Variants in DHX35 observed in about 807,000 individuals in gnomAD.
DHX35 encodes DEAH-box helicase 35, also known as probable ATP-dependent RNA helicase DHX35.
Under a neutral mutation model 99.6 loss-of-function variants are expected in DHX35, and 84 were observed. That is an observed-to-expected ratio of 0.84 (90% CI 0.71 to 1.01). The LOEUF is 1.01. DHX35 is among the 50% of genes least tolerant of loss of function. The pLI, the probability that DHX35 is intolerant of heterozygous loss-of-function variation, is 0.00. For missense variants in DHX35, 852 were observed against 888.5 expected, an observed-to-expected ratio of 0.96 and a Z score of 0.52; for synonymous variants, 331 against 316.2, an observed-to-expected ratio of 1.05 and a Z score of -0.50.
chr20:38,979,638 G>A (rs908271149), intron 3 of DHX35, among the ~76,000 whole-genome samples: 41 of 152,272 alleles, frequency 2.7e-4, no homozygotes, highest in African/African-American at 9.4e-4. Flanking sequence ...TTATTGTGAA[G>A]CTAAATTTGG....
chr20:38,978,468 A>G (rs1165190757), intron 3 of DHX35: 8 of 535,138 alleles, frequency 1.5e-5, no homozygotes, highest in Admixed American at 8.7e-5. Flanking sequence ...GGATGGAGAT[A>G]AATGACCCCT....
intron 21 of DHX35, 41 bp downstream of exon 21, chr20:39,034,358 A>G: frequency 6.7e-7 from 1 of 1,491,174 alleles, no homozygotes; most frequent in Non-Finnish European, 9.4e-7. Context: ...ACCTGTTCAC[A>G]GCCTCTCCAT....
intron 3 of DHX35, among the ~76,000 whole-genome samples, chr20:38,978,777 C>T (rs1255079987): frequency 1.3e-5 from 2 of 152,174 alleles, no homozygotes; most frequent in African/African-American, 4.8e-5. Context: ...AGACCAGTGT[C>T]ATGAAGTGTT....
intron 20 of DHX35, among the ~76,000 whole-genome samples, chr20:39,033,674 G>A (rs1181055668): frequency 2.0e-5 from 3 of 152,170 alleles, no homozygotes; most frequent in African/African-American, 4.8e-5. Context: ...CTCTTCGGTT[G>A]TCTATTACCT....
rs554412687 is a variant in DHX35, at chr20:39,005,511, T to C, written c.1012-635T>C. Among the ~76,000 whole-genome samples the C allele has an allele frequency of 9.8e-5, 15 of 152,354 alleles. No individual in the cohort carries two copies. The East Asian group carries it at 2.9e-3, about 29-fold the overall frequency. ...AGCATGCCCTATTATTACAATAATA[T>C]ATAATATACATGTTATATACTACAT... On this transcript the variant is annotated intron_variant, in intron 11 of 21. Transcript: ENST00000252011.
At chr20:39,006,640 T>C (rs1021701907) in intron 12 of DHX35, among the ~76,000 whole-genome samples, 6 of 152,162 alleles carry the variant, frequency 3.9e-5, no homozygotes, top group African/African-American at 1.4e-4. Context: ...GTCCCTAGGG[T>C]GTGGGCTGTG....
chr20:39,020,653 A>ATTTTTTTTT (rs1339589021), intron 15 of DHX35, among the ~76,000 whole-genome samples: 86 of 86,466 alleles, frequency 9.9e-4, no homozygotes, highest in African/African-American at 1.6e-3. Flanking sequence ...TAGAAACAGG[A>ATTTTTTTTT]TTCTTTTTTT....
chr20:39,028,308 T>A (rs2086990000), intron 18 of DHX35, 110 bp from the exon 19 acceptor site: 1 of 1,016,904 alleles, frequency 9.8e-7, no homozygotes, highest in East Asian at 2.4e-5. Flanking sequence ...GGTTTCCAGG[T>A]GTCTTGAAGC....
chr20:39,028,560 C>G, intron 19 of DHX35, 61 bp downstream of exon 19: 2 of 1,535,752 alleles, frequency 1.3e-6, no homozygotes, highest in Non-Finnish European at 1.8e-6. Context: ...GACCCAAACC[C>G]CACAGAAAGC....
chr20:39,002,931 G>A, intron 10 of DHX35, 63 bp downstream of exon 10: 2 of 1,337,772 alleles, frequency 1.5e-6, no homozygotes, highest in Non-Finnish European at 2.1e-6. Flanking sequence ...GTAATACAGA[G>A]CCTTGTTACT....
chr20:39,001,989 C>A, intron 9 of DHX35, 147 bp downstream of exon 9: 1 of 735,118 alleles, frequency 1.4e-6, no homozygotes, highest in Non-Finnish European at 2.4e-6. Flanking sequence ...TGTTCTTACC[C>A]TGCTCCGGAT....
At chr20:39,023,959 T>C (rs756207292) in intron 17 of DHX35, among the ~76,000 whole-genome samples, 192 bp downstream of exon 17, 1 of 152,220 alleles carries the variant, frequency 6.6e-6, no homozygotes, top group Non-Finnish European at 1.5e-5. Flanking sequence ...GAGGTATTGC[T>C]GAGAAGAACA....
intron 5 of DHX35, among the ~76,000 whole-genome samples, 188 bp downstream of exon 5, chr20:38,989,105 T>C (rs914922592): frequency 2.0e-5 from 3 of 148,442 alleles, no homozygotes; most frequent in Non-Finnish European, 3.0e-5. Context: ...TTCTTTTTTT[T>C]TTTTTTTTTT....
At chr20:39,000,658 A>T (rs929437177) in intron 8 of DHX35, among the ~76,000 whole-genome samples, 6 of 152,128 alleles carry the variant, frequency 3.9e-5, no homozygotes, top group African/African-American at 1.4e-4. Context: ...TTAGCGTTTG[A>T]TGCCATTCGT....
intron 21 of DHX35, among the ~76,000 whole-genome samples, chr20:39,037,558 G>A (rs1251119539): frequency 3.3e-5 from 5 of 152,142 alleles, no homozygotes; most frequent in Non-Finnish European, 5.9e-5. Context: ...GGGGCGATGC[G>A]GCTTGATGTT....
chr20:38,976,505 TG>T (rs1390946966), intron 3 of DHX35, among the ~76,000 whole-genome samples: 1 of 152,098 alleles, frequency 6.6e-6, no homozygotes, highest in Non-Finnish European at 1.5e-5. Context: ...TGGGATTTAG[TG>T]TAATGTTTTG....
intron 18 of DHX35, 73 bp downstream of exon 18, chr20:39,025,432 G>A (rs2086942396): frequency 1.3e-6 from 2 of 1,570,162 alleles, no homozygotes; most frequent in South Asian, 1.2e-5. Context: ...AAGTTCTCAT[G>A]CTGGGCTGGT....
Position 38,992,337 on chromosome 20 carries a change from G to C in DHX35, c.513-19G>C, listed in dbSNP as rs141151625. On this transcript the variant is annotated intron_variant, in intron 6 of 21. Transcript: ENST00000252011. ...TGGCTTTTTTAGAGGCTCACTGAGA[G>C]CTTCTCTTTGATTCTTAGTGTCATC... is the stretch of plus-strand genomic sequence containing the variant. 1 of 1,613,038 alleles carries C rather than the reference G, an allele frequency of 6.2e-7. No individual in the cohort carries two copies. Among genetic ancestry groups the C allele is most frequent in the Non-Finnish European group, 8.5e-7 (1 of 1,179,194 alleles).
At chr20:39,005,094 A>T (rs893898687) in intron 11 of DHX35, among the ~76,000 whole-genome samples, 2 of 152,204 alleles carry the variant, frequency 1.3e-5, no homozygotes, top group Admixed American at 6.5e-5. Flanking sequence ...TCTTAATCCC[A>T]ACTACATAAA....
Sources: gnomAD v4.1 joint callset for allele counts (sites outside exome capture counted in the v4.1 genomes callset) on GRCh38, gnomAD v4.1.1 for gene constraint, MANE v1.5 for transcripts, NCBI Gene and HGNC (gene_info 2026-07-23, HGNC 2026-07-21) for gene names.